The following GNAL variants were observed in gnomAD, a reference collection of about 807,000 sequenced individuals.
The protein encoded by GNAL is G protein subunit alpha L.
Under a neutral mutation model 55.1 loss-of-function variants are expected in GNAL, and 18 were observed. The observed-to-expected ratio is 0.33, with a 90% confidence interval of 0.23 to 0.48. The LOEUF (loss-of-function observed/expected upper bound fraction) is 0.48, where lower values mean the gene tolerates loss of function less well. Among genes scored for constraint, GNAL ranks in the 20% least tolerant of loss-of-function variants. The pLI is 0.99. For missense variants in GNAL, 412 were observed against 614.1 expected (o/e 0.67, Z 3.48); for synonymous variants, 253 against 237.0 (o/e 1.07, Z -0.62).
At chr18:11,710,773 G>T (rs560753798) in intron 1 of GNAL, among the ~76,000 whole-genome samples, 3 of 152,084 alleles carry the variant, frequency 2.0e-5, no homozygotes, top group African/African-American at 2.4e-5. Flanking sequence ...ATAGTCTTAT[G>T]AGGGCTTCCT....
At position 11,883,632 on chromosome 18, in the gene GNAL, T is replaced by C. The variant is rs1476381431; in HGVS notation, c.*2497T>C. Reference sequence around the variant, plus strand: ...CACTTATCTAAAAATCTGATTCCATTAATTGATCAAGTATAAAAATCTACG... The same window carrying C: ...CACTTATCTAAAAATCTGATTCCATCAATTGATCAAGTATAAAAATCTACG... On this transcript the variant is annotated 3_prime_UTR_variant, in exon 12 of 12. Coordinates refer to ENST00000334049, the MANE Select transcript of GNAL (RefSeq NM_182978.4). 1 of 153,338 alleles carries C rather than the reference T, an allele frequency of 6.5e-6. No individual in the cohort carries two copies. The allele number at this position is 153,338 out of a possible 1,614,324, so 9.5% of individuals were successfully genotyped here.
chr18:11,794,156 G>A (rs753691713), intron 4 of GNAL, among the ~76,000 whole-genome samples: 4 of 152,232 alleles, frequency 2.6e-5, no homozygotes, highest in Non-Finnish European at 5.9e-5. Context: ...TGCTGGAAGT[G>A]CAGAATGGTG....
chr18:11,690,572 T>G (rs1205364494), intron 1 of GNAL, among the ~76,000 whole-genome samples: 1 of 150,390 alleles, frequency 6.6e-6, no homozygotes, highest in African/African-American at 2.4e-5. Context: ...ACTCGTCATT[T>G]AGCATTAGGT....
At position 11,856,751 on chromosome 18, in the gene GNAL, C is replaced by T. The variant is rs9635826; in HGVS notation, c.723-5644C>T. Reference sequence around the variant, plus strand: ...GACCAGCCTGGCCAACAGGGTGAAACCCCGTCTCTACTAAAAATGCAAAAA... The same window carrying T: ...GACCAGCCTGGCCAACAGGGTGAAATCCCGTCTCTACTAAAAATGCAAAAA... On this transcript the variant is annotated intron_variant, in intron 5 of 11. Coordinates refer to ENST00000334049, the MANE Select transcript of GNAL (RefSeq NM_182978.4). 3.9e-4 allele frequency among the ~76,000 whole-genome samples: 58 copies of T among 149,182 alleles called. No individual in the cohort carries two copies. In the East Asian group the frequency reaches 0.011, roughly 28 times the overall value.
chr18:11,876,165 TAGG>T (rs946016340), intron 10 of GNAL, among the ~76,000 whole-genome samples: 2 of 152,178 alleles, frequency 1.3e-5, no homozygotes, highest in Non-Finnish European at 2.9e-5. Flanking sequence ...TAAAATGATG[TAGG>T]AGAAGAGGGC....
chr18:11,885,080 T>C lies in GNAL; in HGVS notation c.*3945T>C. The C allele has an allele frequency of 7.9e-7, 1 of 1,270,920 alleles. No individual in the cohort carries two copies. 78.7% of individuals were successfully genotyped at this position (1,270,920 alleles called of 1,614,324 possible). ...TGTGTCCAGGTCGTCTCCATGGGCTTTTCTTTGCAGATACTTTTATGTGGA... is the reference window on the plus strand; with the variant it reads ...TGTGTCCAGGTCGTCTCCATGGGCTCTTCTTTGCAGATACTTTTATGTGGA... On this transcript the variant is annotated 3_prime_UTR_variant, in exon 12 of 12. Coordinates refer to ENST00000334049, the MANE Select transcript of GNAL (RefSeq NM_182978.4).
intron 1 of GNAL, among the ~76,000 whole-genome samples, chr18:11,694,219 A>G (rs1274824393): frequency 1.3e-5 from 2 of 152,106 alleles, no homozygotes; most frequent in African/African-American, 4.8e-5. Flanking sequence ...TGAGTCCTCA[A>G]GAAGACCTTC....
chr18:11,793,200 A>T (rs1020963066), intron 4 of GNAL, among the ~76,000 whole-genome samples: 3 of 127,956 alleles, frequency 2.3e-5, no homozygotes, highest in Non-Finnish European at 4.8e-5. Context: ...CAAAGGACAT[A>T]AGAAAGCAAA....
intron 4 of GNAL, among the ~76,000 whole-genome samples, chr18:11,775,405 C>T (rs898478121): frequency 1.3e-5 from 2 of 152,254 alleles, no homozygotes; most frequent in African/African-American, 4.8e-5. Context: ...CAGATGATCT[C>T]ACTTAATCCA....
chr18:11,730,214 C>T lies in GNAL; in HGVS notation c.377-22639C>T, dbSNP rs529512083. ...TCCCTCTGTCACCCAAGCTGGAGTG[C>T]AGTGGCACGATCTCAGCTCACTGCA... On this transcript the variant is annotated intron_variant, in intron 1 of 11. Coordinates refer to ENST00000334049, the MANE Select transcript of GNAL (RefSeq NM_182978.4). Among the ~76,000 whole-genome samples the T allele has an allele frequency of 2.9e-3, 431 of 150,174 alleles. 1 individual carries two copies. The highest frequency in any genetic ancestry group is 0.01 in the African/African-American group (418 of 40,568).
chr18:11,814,898 CAAA>C (rs1260063707), intron 4 of GNAL, among the ~76,000 whole-genome samples: 2 of 85,958 alleles, frequency 2.3e-5, no homozygotes. Flanking sequence ...AACTCCATCT[CAAA>C]AAAAAAAAAA....
At chr18:11,875,229 C>T (rs1182868762) in intron 10 of GNAL, among the ~76,000 whole-genome samples, 1 of 152,142 alleles carries the variant, frequency 6.6e-6, no homozygotes, top group Non-Finnish European at 1.5e-5. Flanking sequence ...GGCCAGGGCC[C>T]AGCTCCTGTG....
intron 5 of GNAL, among the ~76,000 whole-genome samples, chr18:11,840,625 TCCCTTTGTTA>T (rs1178848151): frequency 6.6e-6 from 1 of 152,156 alleles, no homozygotes; most frequent in African/African-American, 2.4e-5. Context: ...TCCTCAGACT[TCCCTTTGTTA>T]CCCTTTGTTG....
At chr18:11,786,361 T>C (rs567471051) in intron 4 of GNAL, among the ~76,000 whole-genome samples, 1 of 151,384 alleles carries the variant, frequency 6.6e-6, no homozygotes, top group East Asian at 1.9e-4. Context: ...GGGTCAGATC[T>C]GAATGAGAGA....
At chr18:11,851,854 A>G (rs1567892310) in intron 5 of GNAL, 1 of 1,613,968 alleles carries the variant, frequency 6.2e-7, no homozygotes, top group Non-Finnish European at 8.5e-7. Flanking sequence ...TTCTGCTTTG[A>G]TGGACAAATT....
chr18:11,851,441 G>C (rs1433320208), intron 5 of GNAL: 4 of 1,455,854 alleles, frequency 2.7e-6, no homozygotes, highest in South Asian at 2.9e-5. Context: ...GCCGGGAGCG[G>C]ACTTACCTTA....
At chr18:11,842,280 C>G (rs2035634483) in intron 5 of GNAL, among the ~76,000 whole-genome samples, 1 of 152,090 alleles carries the variant, frequency 6.6e-6, no homozygotes, top group African/African-American at 2.4e-5. Flanking sequence ...CGCGCTCGGC[C>G]TAGTTCAGAT....
chr18:11,873,042 A>G (rs1012148410), intron 10 of GNAL, among the ~76,000 whole-genome samples: 1 of 152,206 alleles, frequency 6.6e-6, no homozygotes, highest in Non-Finnish European at 1.5e-5. Context: ...AAAGCTGGGA[A>G]GGTAGACCAG....
rs2032869560 is a variant in GNAL at position 11,752,254 on chromosome 18, G to A, written c.377-599G>A. 1.5e-6 allele frequency: 2 copies of A among 1,308,734 alleles called. No homozygotes were observed. The highest frequency in any genetic ancestry group is 3.9e-5 in the South Asian group (2 of 51,132). 81.1% of individuals were successfully genotyped at this position (1,308,734 alleles called of 1,614,324 possible). On this transcript the variant is annotated intron_variant, in intron 1 of 11. Coordinates refer to ENST00000334049, the MANE Select transcript of GNAL (RefSeq NM_182978.4). This position sits in a 1 kb window ranked among gnomAD's most constrained non-coding sequence, Gnocchi z 4.5. ...TACAGCCATTTAGTTGGGAGTTTGC[G>A]GTGGGCAGGGGGAGGGAGAAGAAAC...
Sources: allele counts gnomAD v4.1 joint callset (sites outside exome capture counted in the v4.1 genomes callset), GRCh38; gene constraint gnomAD v4.1.1; non-coding constraint Gnocchi (gnomAD v3.1); transcripts MANE v1.5; gene names NCBI Gene and HGNC (gene_info 2026-07-23, HGNC 2026-07-21).